Variants in ERBB4 observed in about 807,000 individuals in gnomAD.
The protein encoded by ERBB4 is receptor tyrosine-protein kinase erbB-4.
Under a neutral mutation model 158.0 loss-of-function variants are expected in ERBB4, and 42 were observed. That is an observed-to-expected ratio of 0.27 (90% CI 0.21 to 0.34). The LOEUF (loss-of-function observed/expected upper bound fraction) is 0.34. Ranked by LOEUF, ERBB4 falls within the 10% of genes least tolerant of loss-of-function variation. The probability of loss-of-function intolerance (pLI) is 1.00; values close to 1 mark genes in which losing one functional copy is unlikely to be tolerated. For synonymous variants in ERBB4, 583 were observed against 558.7 expected, an observed-to-expected ratio of 1.04 and a Z score of -0.61; for missense variants, 1,333 against 1,624.1, an observed-to-expected ratio of 0.82 and a Z score of 3.08.
chr2:211,749,402 G>A (rs1199055464), intron 5 of ERBB4, among the ~76,000 whole-genome samples: 5 of 152,102 alleles, frequency 3.3e-5, no homozygotes, highest in Non-Finnish European at 7.4e-5. Flanking sequence ...TGGGGTGAGT[G>A]CTTATATACA....
chr2:211,756,106 T>C (rs1405891138), intron 4 of ERBB4, among the ~76,000 whole-genome samples: 2 of 152,140 alleles, frequency 1.3e-5, no homozygotes, highest in African/African-American at 4.8e-5. Context: ...TTGGTGTGTG[T>C]GTGGGTTCAG....
chr2:211,631,710 T>C (rs902104600), intron 16 of ERBB4, among the ~76,000 whole-genome samples: 2 of 152,138 alleles, frequency 1.3e-5, no homozygotes. Flanking sequence ...CATATGAATT[T>C]TGTATACCAT....
At chr2:211,597,667 C>CTACATATTTA (rs1559335229) in intron 19 of ERBB4, among the ~76,000 whole-genome samples, 3 of 151,616 alleles carry the variant, frequency 2.0e-5, no homozygotes, top group African/African-American at 7.3e-5. Context: ...ACAAATTCAT[C>CTACATATTTA]TTTTCATTAG....
rs200617055 is a variant in ERBB4 at position 212,148,485 on chromosome 2, ATAAG to A, written c.83-23586_83-23583del. Among the ~76,000 whole-genome samples, 1,006 of 152,274 alleles carry A rather than the reference ATAAG, an allele frequency of 6.6e-3. 7 individuals are homozygous for A. The highest frequency in any genetic ancestry group is 0.024 in the Middle Eastern group (7 of 294). On this transcript the variant is annotated intron_variant, in intron 1 of 27. Coordinates refer to ENST00000342788, the MANE Select transcript of ERBB4 (RefSeq NM_005235.3). ...CCCTTTACTATCTTGGGAAAGAAAC[ATAAG>A]TAATACAAAGCCCTAGGTACTTTCA...
intron 12 of ERBB4, among the ~76,000 whole-genome samples, chr2:211,697,656 T>C (rs1055621074): frequency 6.6e-6 from 1 of 152,150 alleles, no homozygotes; most frequent in Non-Finnish European, 1.5e-5. Flanking sequence ...AAAAGATAAA[T>C]TAATCATGTA....
At chr2:212,237,597 T>G (rs1274027262) in intron 1 of ERBB4, among the ~76,000 whole-genome samples, 1 of 152,118 alleles carries the variant, frequency 6.6e-6, no homozygotes, top group African/African-American at 2.4e-5. Flanking sequence ...TTATCAGAGC[T>G]CGAATGCTAT....
At chr2:212,466,099 A>G (rs1688820195) in intron 1 of ERBB4, among the ~76,000 whole-genome samples, 1 of 152,224 alleles carries the variant, frequency 6.6e-6, no homozygotes, top group Admixed American at 6.5e-5. Context: ...TTTTACACCA[A>G]TATTCAAGAA....
chr2:211,917,066 G>A (rs565908480), intron 3 of ERBB4, among the ~76,000 whole-genome samples: 11 of 152,228 alleles, frequency 7.2e-5, no homozygotes, highest in African/African-American at 1.9e-4. Flanking sequence ...AGGTGGCCAC[G>A]GCTGATGTGA....
chr2:212,317,233 C>T (rs1240182135), intron 1 of ERBB4, among the ~76,000 whole-genome samples: 2 of 151,378 alleles, frequency 1.3e-5, no homozygotes. Flanking sequence ...AAAAGGAACC[C>T]CTGGAAATTC....
chr2:211,947,019 T>G (rs774541631), intron 3 of ERBB4, among the ~76,000 whole-genome samples: 7 of 152,156 alleles, frequency 4.6e-5, no homozygotes, highest in Non-Finnish European at 1.0e-4. Flanking sequence ...ATAAGGTGAT[T>G]GTGCAGAAAA....
At chr2:211,918,741 G>A (rs1399622732) in intron 3 of ERBB4, among the ~76,000 whole-genome samples, 1 of 152,006 alleles carries the variant, frequency 6.6e-6, no homozygotes, top group East Asian at 1.9e-4. Context: ...ATTAAGAGCT[G>A]GTGTACAATT....
intron 16 of ERBB4, among the ~76,000 whole-genome samples, chr2:211,630,938 T>C (rs1168684838): frequency 6.6e-6 from 1 of 152,224 alleles, no homozygotes; most frequent in East Asian, 1.9e-4. Context: ...AATATTTTTC[T>C]ATTATATATG....
intron 2 of ERBB4, among the ~76,000 whole-genome samples, chr2:212,040,530 T>C (rs1018094587): frequency 6.6e-6 from 1 of 152,102 alleles, no homozygotes; most frequent in Non-Finnish European, 1.5e-5. Context: ...GATAAGAGTC[T>C]CATAAATCTA....
At chr2:212,498,455 A>C (rs1225955000) in intron 1 of ERBB4, among the ~76,000 whole-genome samples, 3 of 152,124 alleles carry the variant, frequency 2.0e-5, no homozygotes, top group African/African-American at 7.2e-5. Flanking sequence ...CAATCTCTAG[A>C]AGACTCTCCA....
Position 212,268,799 on chromosome 2 carries a change from A to G in ERBB4, c.83-143896T>C, listed in dbSNP as rs143418471. 3.3e-5 allele frequency among the ~76,000 whole-genome samples: 5 copies of G among 151,970 alleles called. No individual in the cohort carries two copies. In the East Asian group the frequency reaches 9.7e-4, roughly 30 times the overall value. ...GTAATAGTTTGCCAAATCCTGCTCT[A>G]GTCTCATGAACTAGGAGGGATGCTG... On this transcript the variant is annotated intron_variant, in intron 1 of 27. Transcript: ENST00000342788.
Position 211,587,931 on chromosome 2 carries a change from T to C in ERBB4, c.2302-25843A>G, listed in dbSNP as rs1028845596. ...AGGTTCTTAATTGCGGCATTGTTTG[T>C]AATAACAAAAGTTTAGAAAACACCC... On this transcript the variant is annotated intron_variant, in intron 19 of 27. Transcript: ENST00000342788. 7.2e-5 allele frequency among the ~76,000 whole-genome samples: 11 copies of C among 152,294 alleles called. No individual in the cohort carries two copies. The South Asian group carries it at 1.4e-3, about 20-fold the overall frequency.
intron 1 of ERBB4, among the ~76,000 whole-genome samples, chr2:212,414,561 G>A (rs1040433320): frequency 1.3e-5 from 2 of 152,030 alleles, no homozygotes; most frequent in Non-Finnish European, 2.9e-5. Flanking sequence ...AAATTCCAAG[G>A]CTCCAATCTT....
At chr2:211,823,883 C>T (rs1279509716) in intron 3 of ERBB4, among the ~76,000 whole-genome samples, 1 of 152,000 alleles carries the variant, frequency 6.6e-6, no homozygotes, top group Non-Finnish European at 1.5e-5. Flanking sequence ...TCAATGTTTA[C>T]ATTCAAAGAG....
At chr2:211,782,259 C>T (rs1345854418) in intron 4 of ERBB4, among the ~76,000 whole-genome samples, 1 of 152,142 alleles carries the variant, frequency 6.6e-6, no homozygotes, top group African/African-American at 2.4e-5. Context: ...CTGCACTCAT[C>T]CATCTGACCC....
Sources: gnomAD v4.1 joint callset for allele counts (sites outside exome capture counted in the v4.1 genomes callset) on GRCh38, gnomAD v4.1.1 for gene constraint, MANE v1.5 for transcripts, NCBI Gene and HGNC (gene_info 2026-07-23, HGNC 2026-07-21) for gene names.